NIBAN1: variants seen among roughly 807,000 people sequenced by gnomAD.
NIBAN1 encodes the protein niban apoptosis regulator 1.
A neutral mutation model predicts 75.1 loss-of-function variants in NIBAN1; 81 were observed. The observed-to-expected ratio is 1.08, with a 90% CI of 0.90 to 1.30. The LOEUF (loss-of-function observed/expected upper bound fraction) is 1.30. Ranked by LOEUF, NIBAN1 falls within the 50% of genes most tolerant of loss-of-function variation. NIBAN1 has a pLI of 0.00. For missense variants in NIBAN1, 1,133 were observed against 1,128.1 expected, an observed-to-expected ratio of 1.00 and a Z score of -0.06; for synonymous variants, 436 against 424.8, an observed-to-expected ratio of 1.03 and a Z score of -0.32.
intron 1 of NIBAN1, among the ~76,000 whole-genome samples, chr1:184,912,588 GCA>G (rs777362224): frequency 6.6e-6 from 1 of 152,084 alleles, no homozygotes; most frequent in Non-Finnish European, 1.5e-5. Context: ...GTGAGGCTGA[GCA>G]ACCTTTCATA....
intron 5 of NIBAN1, among the ~76,000 whole-genome samples, chr1:184,861,414 A>G (rs1372116398): frequency 6.6e-6 from 1 of 152,176 alleles, no homozygotes; most frequent in East Asian, 1.9e-4. Flanking sequence ...TCTGTTTTCT[A>G]TAGCACTGGA....
At chr1:184,803,444 T>G (rs1455244108) in intron 12 of NIBAN1, 141 bp downstream of exon 12, 1 of 643,618 alleles carries the variant, frequency 1.6e-6, no homozygotes, top group Non-Finnish European at 2.8e-6. Context: ...GCTTAAAATA[T>G]TTACTATCTG....
At chr1:184,839,568 C>T (rs1206545719) in intron 5 of NIBAN1, among the ~76,000 whole-genome samples, 2 of 137,722 alleles carry the variant, frequency 1.5e-5, no homozygotes, top group African/African-American at 2.8e-5. Context: ...TGTGTGTGCA[C>T]GCGCGCGTGT....
chr1:184,860,365 ATAT>A (rs1434351435), intron 5 of NIBAN1, among the ~76,000 whole-genome samples: 1 of 152,146 alleles, frequency 6.6e-6, no homozygotes, highest in Non-Finnish European at 1.5e-5. Flanking sequence ...AAAATTCAAA[ATAT>A]TATAAAATTA....
chr1:184,895,476 C>T (rs1224499692), intron 2 of NIBAN1, among the ~76,000 whole-genome samples: 1 of 152,202 alleles, frequency 6.6e-6, no homozygotes, highest in African/African-American at 2.4e-5. Flanking sequence ...CCTATGTACT[C>T]ATGCTGCTAA....
chr1:184,823,514 C>T (rs149166172), intron 7 of NIBAN1, 124 bp downstream of exon 7: 13 of 1,252,794 alleles, frequency 1.0e-5, no homozygotes, highest in Middle Eastern at 4.2e-4. Flanking sequence ...TCAGCAGGTT[C>T]GAAGTAGGCA....
intron 4 of NIBAN1, among the ~76,000 whole-genome samples, chr1:184,885,899 G>A (rs1462829370): frequency 6.6e-6 from 1 of 152,074 alleles, no homozygotes; most frequent in East Asian, 1.9e-4. Context: ...ATGCTTTGTA[G>A]AATTTTGTTT....
chr1:184,931,219 C>T (rs1031665680), intron 1 of NIBAN1, among the ~76,000 whole-genome samples: 2 of 151,968 alleles, frequency 1.3e-5, no homozygotes, highest in Admixed American at 6.6e-5. Context: ...AGGCTGGTCT[C>T]GAACTCCTGA....
chr1:184,875,520 C>A (rs1045774697), intron 5 of NIBAN1, among the ~76,000 whole-genome samples: 3 of 152,214 alleles, frequency 2.0e-5, no homozygotes, highest in Admixed American at 2.0e-4. Context: ...CGACTAGGTT[C>A]TCCCAAATAA....
At position 184,794,930 on chromosome 1, in the gene NIBAN1, A is replaced by G. The variant is rs752533391; in HGVS notation, c.*47T>C. 1.9e-6 allele frequency: 3 copies of G among 1,601,234 alleles called. No homozygotes were observed. The highest frequency in any genetic ancestry group is 2.5e-6 in the Non-Finnish European group (3 of 1,179,806). On this transcript the variant is annotated 3_prime_UTR_variant, in exon 14 of 14. Coordinates refer to ENST00000367511, the MANE Select transcript of NIBAN1 (RefSeq NM_052966.4). Reference sequence around the variant, plus strand: ...ATGCAACCCCTAAGTGTACCCCTATAACCCTTTGGCTTTTTTCAGAGAAAG... The same window carrying G: ...ATGCAACCCCTAAGTGTACCCCTATGACCCTTTGGCTTTTTTCAGAGAAAG...
chr1:184,869,312 G>A (rs1292662307), intron 5 of NIBAN1, among the ~76,000 whole-genome samples: 2 of 152,068 alleles, frequency 1.3e-5, no homozygotes, highest in Admixed American at 6.6e-5. Context: ...GAGCTCTTAC[G>A]TAAAATTAGA....
At chr1:184,942,335 G>A (rs1369027733) in intron 1 of NIBAN1, among the ~76,000 whole-genome samples, 1 of 152,220 alleles carries the variant, frequency 6.6e-6, no homozygotes, top group Non-Finnish European at 1.5e-5. Context: ...TGCAATCTGT[G>A]GGTTATAAAA....
intron 12 of NIBAN1, 59 bp downstream of exon 12, chr1:184,803,526 A>G: frequency 7.4e-7 from 1 of 1,355,658 alleles, no homozygotes; most frequent in Admixed American, 1.8e-5. Context: ...TCACAAAAGA[A>G]CTTGTTTGAA....
intron 10 of NIBAN1, among the ~76,000 whole-genome samples, chr1:184,806,878 C>T (rs542122536): frequency 2.0e-5 from 3 of 151,024 alleles, no homozygotes; most frequent in African/African-American, 7.3e-5. Flanking sequence ...AAGCGAGTCT[C>T]GTGCTTCAGC....
At chr1:184,805,035 G>T (rs1027186424) in intron 11 of NIBAN1, among the ~76,000 whole-genome samples, 4 of 152,088 alleles carry the variant, frequency 2.6e-5, no homozygotes, top group Non-Finnish European at 5.9e-5. Flanking sequence ...TGATCTGCCC[G>T]CCTCGGCCTC....
intron 1 of NIBAN1, among the ~76,000 whole-genome samples, chr1:184,934,678 C>T (rs1657909246): frequency 6.6e-6 from 1 of 152,052 alleles, no homozygotes; most frequent in Non-Finnish European, 1.5e-5. Flanking sequence ...GGGTGGATCA[C>T]GAGGTCAGGA....
At chr1:184,864,880 GAA>G (rs946583109) in intron 5 of NIBAN1, among the ~76,000 whole-genome samples, 1 of 113,158 alleles carries the variant, frequency 8.8e-6, no homozygotes, top group African/African-American at 3.3e-5. Flanking sequence ...AATAATAAAA[GAA>G]AAAAAAAACA....
intron 9 of NIBAN1, among the ~76,000 whole-genome samples, chr1:184,813,595 T>C (rs982750134): frequency 5.3e-5 from 8 of 152,202 alleles, no homozygotes; most frequent in African/African-American, 1.9e-4. Context: ...GTATGGTAAA[T>C]TATTGTCCTA....
At chr1:184,870,608 C>T (rs940721216) in intron 5 of NIBAN1, among the ~76,000 whole-genome samples, 2 of 152,160 alleles carry the variant, frequency 1.3e-5, no homozygotes, top group Non-Finnish European at 2.9e-5. Flanking sequence ...AATGTGCAGC[C>T]TCAGAACCTC....
Sources: allele counts gnomAD v4.1 joint callset (sites outside exome capture counted in the v4.1 genomes callset), GRCh38; gene constraint gnomAD v4.1.1; transcripts MANE v1.5; gene names NCBI Gene and HGNC (gene_info 2026-07-23, HGNC 2026-07-21).